PPHLN1: variants seen among roughly 807,000 people sequenced by gnomAD.
PPHLN1 encodes the protein periphilin 1.
A neutral mutation model predicts 51.3 loss-of-function variants in PPHLN1; 29 were observed. The observed-to-expected ratio is 0.57, with a 90% CI of 0.42 to 0.77. The LOEUF (loss-of-function observed/expected upper bound fraction) is 0.77, where lower values mean the gene tolerates loss of function less well. Among genes scored for constraint, PPHLN1 ranks in the 30% least tolerant of loss-of-function variants. PPHLN1 has a pLI of 0.00. For synonymous variants in PPHLN1, 147 were observed against 147.8 expected (o/e 0.99, Z 0.04); for missense variants, 436 against 438.4 (o/e 0.99, Z 0.05).
At chr12:42,406,963 A>T (rs1000396093) in intron 9 of PPHLN1, among the ~76,000 whole-genome samples, 1 of 152,172 alleles carries the variant, frequency 6.6e-6, no homozygotes, top group Admixed American at 6.5e-5. Flanking sequence ...GAAAGATCAT[A>T]TGTTTCTCCC....
chr12:42,407,641 C>A (rs759561575), intron 9 of PPHLN1, among the ~76,000 whole-genome samples: 3 of 152,170 alleles, frequency 2.0e-5, no homozygotes, highest in Non-Finnish European at 4.4e-5. Flanking sequence ...CTCAGAGATA[C>A]CAAAATCCAT....
chr12:42,343,311 G>A (rs1354679605), intron 2 of PPHLN1, among the ~76,000 whole-genome samples: 1 of 152,072 alleles, frequency 6.6e-6, no homozygotes, highest in South Asian at 2.1e-4. Context: ...ACAGTCATCA[G>A]TGTTCATGTA....
intron 2 of PPHLN1, among the ~76,000 whole-genome samples, chr12:42,339,028 C>CAG (rs1339995126): frequency 1.3e-5 from 2 of 152,142 alleles, no homozygotes; most frequent in African/African-American, 2.4e-5. Context: ...AAATATGAAA[C>CAG]AGAGGCTTCT....
Position 42,398,901 on chromosome 12 carries a change from G to A in PPHLN1, c.816G>A (p.Glu272=). 6.2e-7 allele frequency: 1 copy of A among 1,614,080 alleles called. No individual in the cohort carries two copies. Residue 272 remains glutamate, a synonymous_variant, in exon 9 of 10, where the codon GAG becomes GAA. Transcript: ENST00000358314. The part of the protein sequence containing the change: ...PLFTDQPEEP[E]SNTTHGIELF... ...TTACTGACCAGCCAGAGGAACCTGA[G>A]TCAAACACAACACATGGGATAGAAT...
intron 3 of PPHLN1, among the ~76,000 whole-genome samples, chr12:42,354,300 C>T (rs142737886): frequency 0.03 from 4,592 of 152,222 alleles, 89 homozygotes; most frequent in Non-Finnish European, 0.043. Flanking sequence ...CTCAGTACAA[C>T]CTCCGGCTCT....
downstream of PPHLN1, chr12:42,447,996 C>T (rs2083377880): frequency 6.6e-6 from 1 of 152,158 alleles, no homozygotes. Flanking sequence ...CTCATATGAG[C>T]AGTGATTTTA....
chr12:42,371,119 T>C (rs946256382), intron 4 of PPHLN1, among the ~76,000 whole-genome samples: 1 of 134,778 alleles, frequency 7.4e-6, no homozygotes, highest in Non-Finnish European at 1.6e-5. Flanking sequence ...GTGTTTTTTT[T>C]TTTTTTTTTT....
At chr12:42,423,361 C>G (rs1347105308) in intron 9 of PPHLN1, among the ~76,000 whole-genome samples, 1 of 152,012 alleles carries the variant, frequency 6.6e-6, no homozygotes. Flanking sequence ...TTTTAGCCTA[C>G]TTTTAATCTA....
intron 7 of PPHLN1, among the ~76,000 whole-genome samples, chr12:42,389,879 C>T (rs981229744): frequency 5.9e-5 from 9 of 152,056 alleles, no homozygotes; most frequent in Admixed American, 3.9e-4. Context: ...AGTGAGGGCT[C>T]AGGAGTTATT....
chr12:42,369,066 G>A (rs1040217905), intron 4 of PPHLN1, among the ~76,000 whole-genome samples: 11 of 152,102 alleles, frequency 7.2e-5, no homozygotes, highest in Admixed American at 4.6e-4. Context: ...ACACAGCCAC[G>A]CCTATTTTTT....
chr12:42,435,829 C>T (rs2139931238), intron 9 of PPHLN1, among the ~76,000 whole-genome samples: 1 of 152,262 alleles, frequency 6.6e-6, no homozygotes, highest in Non-Finnish European at 1.5e-5. Context: ...TTAACCATGA[C>T]AACTTTCCCT....
At chr12:42,388,803 G>A (rs757957124) in intron 7 of PPHLN1, among the ~76,000 whole-genome samples, 1 of 152,202 alleles carries the variant, frequency 6.6e-6, no homozygotes, top group African/African-American at 2.4e-5. Context: ...TTAGCCAGAT[G>A]TGGTGGCATG....
Position 42,372,559 on chromosome 12 carries a change from T to C in PPHLN1, c.300-2304T>C, listed in dbSNP as rs557708713. 1.9e-4 allele frequency among the ~76,000 whole-genome samples: 29 copies of C among 152,306 alleles called. 1 individual carries two copies. Among genetic ancestry groups the C allele is most frequent in the African/African-American group, 6.7e-4 (28 of 41,558 alleles). ...CTTGGCTTCCATGATAAATGCATTCTCCTTTCTAATGTTTCTCTGTTCTCC... is the reference window on the plus strand; with the variant it reads ...CTTGGCTTCCATGATAAATGCATTCCCCTTTCTAATGTTTCTCTGTTCTCC... On this transcript the variant is annotated intron_variant, in intron 4 of 9. Coordinates refer to ENST00000358314, the MANE Select transcript of PPHLN1 (RefSeq NM_201439.2).
Position 42,406,941 on chromosome 12 carries a change from A to G in PPHLN1, c.909+7947A>G, listed in dbSNP as rs183453430. On this transcript the variant is annotated intron_variant, in intron 9 of 9. Coordinates refer to ENST00000358314, the MANE Select transcript of PPHLN1 (RefSeq NM_201439.2). ...CCACTTGGACATCAATTTGACCCCA[A>G]ACCATTTGTTGGAAAGATCATATGT... Among the ~76,000 whole-genome samples the G allele has an allele frequency of 4.3e-4, 65 of 152,306 alleles. 2 individuals are homozygous for G. The highest frequency in any genetic ancestry group is 1.6e-3 in the African/African-American group (65 of 41,558).
chr12:42,350,526 G>A (rs934138641), intron 2 of PPHLN1, among the ~76,000 whole-genome samples: 1 of 151,332 alleles, frequency 6.6e-6, no homozygotes, highest in South Asian at 2.1e-4. Context: ...GAAGATGGGC[G>A]GCCAGGCAGA....
At chr12:42,353,487 A>G (rs868115088) in intron 3 of PPHLN1, among the ~76,000 whole-genome samples, 14 of 152,202 alleles carry the variant, frequency 9.2e-5, no homozygotes, top group Middle Eastern at 3.2e-3. Flanking sequence ...GACCCCTAAC[A>G]ATTCCAAAGT....
At chr12:42,350,513 C>T (rs1479562137) in intron 2 of PPHLN1, among the ~76,000 whole-genome samples, 2 of 151,712 alleles carry the variant, frequency 1.3e-5, no homozygotes, top group Non-Finnish European at 2.9e-5. Flanking sequence ...TCCTCACATC[C>T]CAGAAGATGG....
intron 5 of PPHLN1, among the ~76,000 whole-genome samples, chr12:42,378,085 T>G (rs929802722): frequency 6.1e-5 from 9 of 147,336 alleles, no homozygotes; most frequent in Admixed American, 5.6e-4. Flanking sequence ...TATCTATCTA[T>G]CTTTCTCTTT....
chr12:42,443,477 C>A (rs887158509), downstream of PPHLN1: 4 of 152,176 alleles, frequency 2.6e-5, no homozygotes, highest in Non-Finnish European at 4.4e-5. Context: ...CTGGTCAGTG[C>A]TAGCTAAAAC....
Sources: gnomAD v4.1 joint callset for allele counts (sites outside exome capture counted in the v4.1 genomes callset) on GRCh38, gnomAD v4.1.1 for gene constraint, MANE v1.5 for transcripts, NCBI Gene and HGNC (gene_info 2026-07-23, HGNC 2026-07-21) for gene names.